Variants in NBEA observed in about 807,000 individuals in gnomAD.
NBEA encodes the protein neurobeachin.
NBEA carries 44 observed loss-of-function variants against 343.4 expected under a neutral mutation model. That is an observed-to-expected ratio of 0.13 (90% CI 0.10 to 0.16). The LOEUF (loss-of-function observed/expected upper bound fraction) is 0.16. Ranked by LOEUF, NBEA falls within the 10% of genes least tolerant of loss-of-function variation. The pLI, the probability that NBEA is intolerant of heterozygous loss-of-function variation, is 1.00. For missense variants in NBEA, 2,555 were observed against 3,631.3 expected, an observed-to-expected ratio of 0.70 and a Z score of 7.62; for synonymous variants, 1,175 against 1,238.7, an observed-to-expected ratio of 0.95 and a Z score of 1.08.
At chr13:35,534,694 C>A (rs2078441835) in intron 41 of NBEA, among the ~76,000 whole-genome samples, 1 of 152,264 alleles carries the variant, frequency 6.6e-6, no homozygotes, top group Admixed American at 6.5e-5. Flanking sequence ...TAGAATCATC[C>A]TATCAATCTT....
chr13:35,177,199 C>A, intron 28 of NBEA, 96 bp downstream of exon 28: 1 of 887,716 alleles, frequency 1.1e-6, no homozygotes, highest in Non-Finnish European at 1.8e-6. Flanking sequence ...AAACGACATT[C>A]CCTAGTATCT....
chr13:35,605,823 A>G (rs1337132253), intron 47 of NBEA, among the ~76,000 whole-genome samples: 2 of 152,160 alleles, frequency 1.3e-5, no homozygotes, highest in East Asian at 3.8e-4. Context: ...TGTCATTTCT[A>G]TGGCATGCAT....
intron 1 of NBEA, among the ~76,000 whole-genome samples, chr13:35,020,795 A>G (rs2061811382): frequency 6.6e-6 from 1 of 152,160 alleles, no homozygotes; most frequent in Admixed American, 6.5e-5. Flanking sequence ...CTATGATTAC[A>G]GGTATGAGCC....
intron 31 of NBEA, among the ~76,000 whole-genome samples, chr13:35,204,343 C>T (rs2073228812): frequency 6.6e-6 from 1 of 152,140 alleles, no homozygotes; most frequent in African/African-American, 2.4e-5. Flanking sequence ...ACTTACAGTT[C>T]CACATGGCTG....
At chr13:35,294,049 G>A (rs549894453) in intron 35 of NBEA, among the ~76,000 whole-genome samples, 34 of 152,052 alleles carry the variant, frequency 2.2e-4, no homozygotes, top group African/African-American at 7.9e-4. Context: ...TAAAGTAAGA[G>A]GCCTGCAAGT....
At chr13:35,493,591 C>T (rs1402079170) in intron 41 of NBEA, among the ~76,000 whole-genome samples, 1 of 151,886 alleles carries the variant, frequency 6.6e-6, no homozygotes, top group Non-Finnish European at 1.5e-5. Flanking sequence ...TAAGTGTTTT[C>T]ATATCATATA....
intron 34 of NBEA, among the ~76,000 whole-genome samples, chr13:35,236,120 G>A (rs926493380): frequency 6.6e-6 from 1 of 152,010 alleles, no homozygotes; most frequent in African/African-American, 2.4e-5. Flanking sequence ...TTTAGGTTTT[G>A]AGTTTTGCTT....
At chr13:35,041,415 G>A (rs1566198404) in intron 2 of NBEA, among the ~76,000 whole-genome samples, 1 of 151,904 alleles carries the variant, frequency 6.6e-6, no homozygotes, top group Non-Finnish European at 1.5e-5. Context: ...CAGTACCATG[G>A]AGTGCTATGA....
At chr13:34,960,350 A>T (rs975838407) in intron 1 of NBEA, among the ~76,000 whole-genome samples, 1 of 152,128 alleles carries the variant, frequency 6.6e-6, no homozygotes, top group Non-Finnish European at 1.5e-5. Flanking sequence ...TAAAAAAATG[A>T]AAGTTTATAA....
chr13:35,092,015 C>T lies in NBEA; in HGVS notation c.1572-6282C>T, dbSNP rs79025700. On this transcript the variant is annotated intron_variant, in intron 10 of 58. Transcript: ENST00000379939. ...AGTTGGAAGAATTATACTTAACTGA[C>T]TTTAAGACTGACTTTTAAGCTGTAA... is the stretch of plus-strand genomic sequence containing the variant. Among the ~76,000 whole-genome samples the T allele has an allele frequency of 6.9e-3, 1,052 of 152,058 alleles. 52 individuals are homozygous for T. The East Asian group carries it at 0.12, about 18-fold the overall frequency.
At chr13:35,372,847 G>T (rs1170186914) in intron 38 of NBEA, among the ~76,000 whole-genome samples, 2 of 152,136 alleles carry the variant, frequency 1.3e-5, no homozygotes, top group African/African-American at 2.4e-5. Context: ...ATGTAGAGAT[G>T]CAGGGGCTGT....
chr13:35,035,817 C>G (rs1042786210), intron 1 of NBEA, among the ~76,000 whole-genome samples: 8 of 151,974 alleles, frequency 5.3e-5, no homozygotes, highest in African/African-American at 1.9e-4. Flanking sequence ...TTGTCTGATA[C>G]AAGTATAGTG....
intron 18 of NBEA, among the ~76,000 whole-genome samples, chr13:35,149,704 A>G (rs2068652528): frequency 6.6e-6 from 1 of 152,172 alleles, no homozygotes; most frequent in East Asian, 1.9e-4. Flanking sequence ...TGTTTTACCT[A>G]TGTGAATTTT....
At chr13:35,010,903 C>T (rs1185299729) in intron 1 of NBEA, among the ~76,000 whole-genome samples, 1 of 150,686 alleles carries the variant, frequency 6.6e-6, no homozygotes, top group East Asian at 1.9e-4. Flanking sequence ...CAGAGCAAGA[C>T]CCCATTTCTT....
At chr13:35,320,432 C>A (rs751000639) in intron 36 of NBEA, among the ~76,000 whole-genome samples, 8 of 152,212 alleles carry the variant, frequency 5.3e-5, no homozygotes, top group Non-Finnish European at 8.8e-5. Flanking sequence ...CCTCCACTCT[C>A]TTCTGGCTTG....
chr13:35,390,430 C>T (rs183640102), intron 38 of NBEA, among the ~76,000 whole-genome samples: 1 of 152,080 alleles, frequency 6.6e-6, no homozygotes. Context: ...CTAGATATTC[C>T]TGTTCTTTCC....
chr13:35,237,610 A>G (rs1479293134), intron 34 of NBEA, among the ~76,000 whole-genome samples: 3 of 152,186 alleles, frequency 2.0e-5, no homozygotes. Flanking sequence ...AGTGCTTATG[A>G]TGAATAAATC....
chr13:35,022,627 T>A (rs2061885318), intron 1 of NBEA, among the ~76,000 whole-genome samples: 1 of 152,134 alleles, frequency 6.6e-6, no homozygotes, highest in Non-Finnish European at 1.5e-5. Context: ...TCTTAAAGGT[T>A]AAATGCTTGG....
chr13:35,164,512 A>G lies in NBEA; in HGVS notation c.4233+3A>G. Reference sequence around the variant, plus strand: ...TCTCTGCTGCTACATCACCAACTGTAAGTACTTTGCCTCCATCTAGTGGTT... The same window carrying G: ...TCTCTGCTGCTACATCACCAACTGTGAGTACTTTGCCTCCATCTAGTGGTT... On this transcript the variant is annotated splice_donor_region_variant and intron_variant, in intron 24 of 58. Coordinates refer to ENST00000379939, the MANE Select transcript of NBEA (RefSeq NM_001385012.1). The G allele has an allele frequency of 1.9e-6, 3 of 1,608,346 alleles. No individual in the cohort carries two copies. Among genetic ancestry groups the G allele is most frequent in the Non-Finnish European group, 2.5e-6 (3 of 1,176,894 alleles).
Sources: allele counts gnomAD v4.1 joint callset (sites outside exome capture counted in the v4.1 genomes callset), GRCh38; gene constraint gnomAD v4.1.1; transcripts MANE v1.5; gene names NCBI Gene and HGNC (gene_info 2026-07-23, HGNC 2026-07-21).